Variants in CDHR2 observed in about 807,000 individuals in gnomAD.
CDHR2 encodes cadherin-related family member 2.
Under a neutral mutation model 138.6 loss-of-function variants are expected in CDHR2, and 104 were observed. The ratio of observed to expected loss-of-function variants is 0.75; its 90% CI spans 0.64 to 0.88. CDHR2 has a LOEUF of 0.88. Among genes scored for constraint, CDHR2 ranks in the 40% least tolerant of loss-of-function variants. CDHR2 has a pLI of 0.00. For missense variants in CDHR2, 1,624 were observed against 1,727.6 expected, an observed-to-expected ratio of 0.94 and a Z score of 1.06; for synonymous variants, 755 against 742.8, an observed-to-expected ratio of 1.02 and a Z score of -0.27.
chr5:176,586,138 C>G (rs1472960057), intron 20 of CDHR2, 113 bp downstream of exon 20: 2 of 756,282 alleles, frequency 2.6e-6, no homozygotes, highest in African/African-American at 3.5e-5. Context: ...GGGGGGAAGG[C>G]CTCTAATCCT....
chr5:176,590,257 C>T lies in CDHR2; in HGVS notation c.3280C>T (p.Arg1094Ter), dbSNP rs766582356. 9.3e-6 allele frequency: 15 copies of T among 1,614,144 alleles called. No homozygotes were observed. The highest frequency in any genetic ancestry group is 1.1e-5 in the Non-Finnish European group (13 of 1,180,012). Residue 1094 changes from arginine to a stop codon, truncating the protein, a stop_gained, in exon 26 of 32, where the codon CGA (arginine) becomes TGA (stop). Transcript: ENST00000261944. LOFTEE classifies it high-confidence loss of function. ...TTCAACTCTGTCCCGCTCCAGGGCCCGACCTCACTCCTACCTCGATGCCTA... is the reference window on the plus strand; with the variant it reads ...TTCAACTCTGTCCCGCTCCAGGGCCTGACCTCACTCCTACCTCGATGCCTA... ...IQDIDSAARARPHSYLDAYFV... is the reference protein window; with the variant it reads ...IQDIDSAARA
rs1267439138 is a variant in CDHR2, at chr5:176,595,516, C to T, written c.3793-16C>T. The T allele has an allele frequency of 1.3e-6, 2 of 1,578,990 alleles. No individual in the cohort carries two copies. The highest frequency in any genetic ancestry group is 1.2e-5 in the South Asian group (1 of 86,686). ...CCTTGCCTTGCCCTTCACACCTCCT[C>T]TCCCTCTCCCTGCAGGAGCACAGGC... On this transcript the variant is annotated splice_polypyrimidine_tract_variant and intron_variant, in intron 31 of 31. Transcript: ENST00000261944.
chr5:176,595,673 CAG>C lies in CDHR2; in HGVS notation c.*2_*3del. ...TGGCCTGGACACCACGGACCTGTGA[CAG>C]GGGCCCCCACTCTTCTGGACCCCTT... On this transcript the variant is annotated 3_prime_UTR_variant, in exon 32 of 32. Transcript: ENST00000261944. The C allele has an allele frequency of 6.3e-7, 1 of 1,583,026 alleles. No individual in the cohort carries two copies. Among genetic ancestry groups the C allele is most frequent in the East Asian group, 2.3e-5 (1 of 43,592 alleles).
In CDHR2 at chr5:176,589,457, TCCAGCCCCCAACGCCCTCTG is replaced by T. The variant is rs755762790; in HGVS notation, c.3117+30_3118-41del. 2 of 1,608,568 alleles carry T rather than the reference TCCAGCCCCCAACGCCCTCTG, an allele frequency of 1.2e-6. No homozygotes were observed. The highest frequency in any genetic ancestry group is 2.2e-5 in the South Asian group (2 of 90,796). On this transcript the variant is annotated intron_variant, in intron 23 of 31. Transcript: ENST00000261944. ...CCTGAATGTGAGTGCTGGTCCCACC[TCCAGCCCCCAACGCCCTCTG>T]CCAGCCCCCAGGGTCCCTGGTGCCT...
chr5:176,561,445 G>T (rs952328383), intron 1 of CDHR2, among the ~76,000 whole-genome samples: 9 of 152,120 alleles, frequency 5.9e-5, no homozygotes, highest in Middle Eastern at 3.2e-3. Flanking sequence ...GGGTCACAAA[G>T]GTGCATCAGA....
chr5:176,581,704 C>A, intron 17 of CDHR2, 122 bp downstream of exon 17: 1 of 1,300,794 alleles, frequency 7.7e-7, no homozygotes, highest in Non-Finnish European at 1.1e-6. Context: ...CCCGCTCACT[C>A]GTATGGCCCC....
chr5:176,567,535 A>C (rs1259250065), intron 3 of CDHR2, among the ~76,000 whole-genome samples: 1 of 152,054 alleles, frequency 6.6e-6, no homozygotes, highest in African/African-American at 2.4e-5. Flanking sequence ...TCTGTCACCC[A>C]GGCTGGAGTG....
intron 30 of CDHR2, chr5:176,591,749 T>C: frequency 5.8e-6 from 1 of 172,842 alleles, no homozygotes; most frequent in African/African-American, 3.8e-5. Flanking sequence ...ATGGTGATGG[T>C]GGTGATGATG....
In CDHR2 at chr5:176,565,430, G is replaced by A. The variant is rs779377057; in HGVS notation, c.52+26G>A. 70 of 1,609,904 alleles carry A rather than the reference G, an allele frequency of 4.3e-5. 2 individuals are homozygous for A. In the South Asian group the frequency reaches 6.0e-4, roughly 14 times the overall value. ...GTAGGTGTCTCCCCTCCCCAGCCAC[G>A]CAGCCCTAACCTAGAGACCCTTGGC... is the stretch of plus-strand genomic sequence containing the variant. On this transcript the variant is annotated intron_variant, in intron 2 of 31. Coordinates refer to ENST00000261944, the MANE Select transcript of CDHR2 (RefSeq NM_017675.6).
At chr5:176,589,713 C>A in intron 24 of CDHR2, 97 bp downstream of exon 24, 1 of 1,045,468 alleles carries the variant, frequency 9.6e-7, no homozygotes, top group South Asian at 1.3e-5. Flanking sequence ...CAATCCTGTT[C>A]CTGACCCACA....
chr5:176,551,870 ATTTT>A (rs11312647), intron 1 of CDHR2, among the ~76,000 whole-genome samples: 23,873 of 97,244 alleles, frequency 0.25, 2,674 homozygotes, highest in East Asian at 0.56. Flanking sequence ...CCTGGCTAAT[ATTTT>A]TTTTTTTTTT....
chr5:176,590,033 C>T (rs41275287), intron 24 of CDHR2, 45 bp from the exon 25 acceptor site: 5 of 1,534,496 alleles, frequency 3.3e-6, no homozygotes, highest in South Asian at 1.1e-5. Flanking sequence ...GGCCACAGGC[C>T]CAGGCTAAGA....
chr5:176,569,045 T>TGC, intron 5 of CDHR2, 35 bp downstream of exon 5: 1 of 1,608,634 alleles, frequency 6.2e-7, no homozygotes, highest in Non-Finnish European at 8.5e-7. Context: ...AGACAGGGAT[T>TGC]GCGAGAGTCC....
chr5:176,559,010 G>C (rs1757906401), intron 1 of CDHR2, among the ~76,000 whole-genome samples: 1 of 152,216 alleles, frequency 6.6e-6, no homozygotes, highest in Non-Finnish European at 1.5e-5. Flanking sequence ...AGTGGGGACT[G>C]GCTAGACATC....
In CDHR2 at chr5:176,581,459, G is replaced by A; in HGVS notation, c.1935G>A (p.Leu645=). The part of the protein sequence containing the change: ...LDPDTGLLRN[L]GPLDREAIDP... ...CTGACACAGGGCTCCTCAGAAACCT[G>A]GGGCCCCTGGACAGAGAGGCCATCG... The change falls in exon 17 of 32, where the codon CTG becomes CTA. Residue 645 remains leucine (L), a synonymous_variant. Coordinates refer to ENST00000261944, the MANE Select transcript of CDHR2 (RefSeq NM_017675.6). The A allele has an allele frequency of 1.9e-6, 3 of 1,614,126 alleles. No homozygotes were observed. The highest frequency in any genetic ancestry group is 2.5e-6 in the Non-Finnish European group (3 of 1,180,042).
chr5:176,580,686 C>T (rs1210367267), intron 16 of CDHR2, among the ~76,000 whole-genome samples: 1 of 151,692 alleles, frequency 6.6e-6, no homozygotes, highest in East Asian at 1.9e-4. Context: ...ACCAGCCTGG[C>T]CAACATGGTG....
At position 176,558,238 on chromosome 5, in the gene CDHR2, C is replaced by T. The variant is rs191981112; in HGVS notation, c.-15-7100C>T. ...TATTTTTTTTTTTTTTTTTTTGAGA[C>T]GGAGTCTCACTCTGTCGCCCAGGCT... On this transcript the variant is annotated intron_variant, in intron 1 of 31. Coordinates refer to ENST00000261944, the MANE Select transcript of CDHR2 (RefSeq NM_017675.6). 8.9e-3 allele frequency among the ~76,000 whole-genome samples: 1,190 copies of T among 133,140 alleles called. 19 individuals are homozygous for T. Among genetic ancestry groups the T allele is most frequent in the African/African-American group, 0.03 (1,091 of 36,298 alleles). 87.3% of individuals were successfully genotyped at this position (133,140 alleles called of 152,430 possible).
In CDHR2 at chr5:176,571,220, G is replaced by A; in HGVS notation, c.323G>A (p.Arg108Lys). Residue 108 changes from arginine (R) to lysine (K), a missense_variant, in exon 6 of 32, where the codon AGG (arginine) becomes AAG (lysine). Physicochemically the swap from Arg to Lys is conservative, Grantham distance 26 (BLOSUM62 2). Coordinates refer to ENST00000261944, the MANE Select transcript of CDHR2 (RefSeq NM_017675.6). ...GGGCTTTCTCACTTGCAGGTGCAGA[G>A]GGAGATGCTGGTGATTGTGGAAGAT... ...SVSDPYIQVQREMLVIVEDRN... is the reference protein window; with the variant it reads ...SVSDPYIQVQKEMLVIVEDRN... 6.2e-7 allele frequency: 1 copy of A among 1,612,266 alleles called. No homozygotes were observed. The highest frequency in any genetic ancestry group is 8.5e-7 in the Non-Finnish European group (1 of 1,178,924).
At position 176,590,275 on chromosome 5, in the gene CDHR2, G is replaced by A. The variant is rs753508969; in HGVS notation, c.3298G>A (p.Asp1100Asn). Residue 1100 changes from aspartate (D) to asparagine (N), a missense_variant, in exon 26 of 32, where the codon GAT becomes AAT. Asp to Asn is a conservative substitution (Grantham distance 23, BLOSUM62 1). This residue lies in a region of CDHR2 where 556 missense variants were observed against 565.7 expected (regional missense o/e 0.98). Transcript: ENST00000261944. The stretch of plus-strand genomic sequence containing the variant: ...CAGGGCCCGACCTCACTCCTACCTC[G>A]ATGCCTACTTTGTCTTCCCCAATGG... The part of the protein sequence containing the change: ...AARARPHSYL[D>N]AYFVFPNGSA... 8.7e-6 allele frequency: 14 copies of A among 1,614,150 alleles called. No individual in the cohort carries two copies. The highest frequency in any genetic ancestry group is 1.1e-5 in the Non-Finnish European group (13 of 1,180,010).
Sources: allele counts gnomAD v4.1 joint callset (sites outside exome capture counted in the v4.1 genomes callset), GRCh38; gene constraint gnomAD v4.1.1; regional missense constraint gnomAD v4.1.1; transcripts MANE v1.5; gene names NCBI Gene and HGNC (gene_info 2026-07-23, HGNC 2026-07-21).